The following SHANK1 variants were observed in gnomAD, a reference collection of about 807,000 sequenced individuals.
SHANK1 encodes the protein SH3 and multiple ankyrin repeat domains 1, also known as SH3 and multiple ankyrin repeat domains protein 1.
SHANK1 carries 35 observed loss-of-function variants against 165.6 expected under a neutral mutation model. The ratio of observed to expected loss-of-function variants is 0.21; its 90% confidence interval spans 0.16 to 0.28. The LOEUF (loss-of-function observed/expected upper bound fraction) is 0.28, where lower values mean the gene tolerates loss of function less well. Ranked by LOEUF, SHANK1 falls within the 10% of genes least tolerant of loss-of-function variation. The probability of loss-of-function intolerance (pLI) is 1.00; values close to 1 mark genes in which losing one functional copy is unlikely to be tolerated. For synonymous variants in SHANK1, 1,428 were observed against 1,384.8 expected, an observed-to-expected ratio of 1.03 and a Z score of -0.69; for missense variants, 2,681 against 3,036.4, an observed-to-expected ratio of 0.88 and a Z score of 2.75.
chr19:50,690,968 C>A lies in SHANK1; in HGVS notation c.1965-1689G>T, dbSNP rs1986520183. ...AGGGTTCTGGATGTGCACGTGTCCT[C>A]CCTTCCTGCTGCCACCCTCCTTGTG... On this transcript the variant is annotated intron_variant, in intron 15 of 23. Transcript: ENST00000293441. This position sits in a 1 kb window ranked among gnomAD's most constrained non-coding sequence, Gnocchi z 4.9. Among the ~76,000 whole-genome samples the A allele has an allele frequency of 6.6e-6, 1 of 152,162 alleles. No individual in the cohort carries two copies. Among genetic ancestry groups the A allele is most frequent in the African/African-American group, 2.4e-5 (1 of 41,434 alleles).
chr19:50,706,509 A>G (rs1441690604), intron 8 of SHANK1, among the ~76,000 whole-genome samples: 1 of 151,956 alleles, frequency 6.6e-6, no homozygotes, highest in Non-Finnish European at 1.5e-5. Context: ...GACCCTCACC[A>G]ACTTCATCTT....
chr19:50,673,834 A>G (rs552945477), intron 21 of SHANK1, among the ~76,000 whole-genome samples: 2 of 147,310 alleles, frequency 1.4e-5, no homozygotes, highest in Non-Finnish European at 3.0e-5. Flanking sequence ...TTTTTTTGAG[A>G]CAGGGCTGGA....
In SHANK1 at chr19:50,718,929, G is replaced by C. The variant is rs1190535744; in HGVS notation, c.-44+477C>G. Among the ~76,000 whole-genome samples, 2 of 151,940 alleles carry C rather than the reference G, an allele frequency of 1.3e-5. No individual in the cohort carries two copies. Among genetic ancestry groups the C allele is most frequent in the East Asian group, 3.9e-4 (2 of 5,144 alleles). On this transcript the variant is annotated intron_variant, in intron 1 of 23. Transcript: ENST00000293441. The surrounding 1 kb of genome is among the most constrained non-coding windows in gnomAD (Gnocchi z 5.1). ...GGGAGCTTGGACAGGGGTGGAAAGGGACTGGAGGAGCCTGGAAGGAGAAGC... is the reference window on the plus strand; with the variant it reads ...GGGAGCTTGGACAGGGGTGGAAAGGCACTGGAGGAGCCTGGAAGGAGAAGC...
intron 8 of SHANK1, among the ~76,000 whole-genome samples, chr19:50,708,436 A>G (rs1342700754): frequency 6.6e-6 from 1 of 152,114 alleles, no homozygotes; most frequent in African/African-American, 2.4e-5. Context: ...CTCATGTCGT[A>G]GCCATGATTT....
rs1383919229 is a variant in SHANK1, at chr19:50,690,709, C to T, written c.1965-1430G>A. On this transcript the variant is annotated intron_variant, in intron 15 of 23. Transcript: ENST00000293441. The surrounding 1 kb of genome is among the most constrained non-coding windows in gnomAD (Gnocchi z 4.9). Reference sequence around the variant, plus strand: ...GCAAAACAGCCGTCCTCGAATACTCCAGTATGTTTCGGCAACCCCCACACA... The same window carrying T: ...GCAAAACAGCCGTCCTCGAATACTCTAGTATGTTTCGGCAACCCCCACACA... Among the ~76,000 whole-genome samples the T allele has an allele frequency of 6.6e-6, 1 of 152,112 alleles. No individual in the cohort carries two copies. Among genetic ancestry groups the T allele is most frequent in the African/African-American group, 2.4e-5 (1 of 41,386 alleles).
In SHANK1 at chr19:50,668,546, C is replaced by A; in HGVS notation, c.3414G>T (p.Pro1138=). Residue 1138 remains proline, a synonymous_variant, in exon 23 of 24, where the codon CCG becomes CCT. Transcript: ENST00000293441. ...GCGCGGCCACGGCGGGCGGCGGCTG[C>A]GGGGAGGCCGGGGACGTGGGCGACG... ...PAPSPTSPAS[P]QPPPAVAAPS... 2 of 1,348,480 alleles carry A rather than the reference C, an allele frequency of 1.5e-6. No homozygotes were observed. Among genetic ancestry groups the A allele is most frequent in the Non-Finnish European group, 1.9e-6 (2 of 1,051,008 alleles). The allele number at this position is 1,348,480 out of a possible 1,614,324, so 83.5% of individuals were successfully genotyped here.
intron 11 of SHANK1, 100 bp downstream of exon 11, chr19:50,703,400 T>C: frequency 9.6e-7 from 1 of 1,047,098 alleles, no homozygotes; most frequent in Non-Finnish European, 1.4e-6. Context: ...GATGAGGGCC[T>C]ACAGAGGAAG....
At position 50,716,407 on chromosome 19, in the gene SHANK1, C is replaced by G. The variant is rs1431321665; in HGVS notation, c.327G>C (p.Glu109Asp). 1.9e-6 allele frequency: 3 copies of G among 1,614,226 alleles called. No homozygotes were observed. Among genetic ancestry groups the G allele is most frequent in the Admixed American group, 3.3e-5 (2 of 60,026 alleles). The change falls in exon 3 of 24, where the codon GAG becomes GAC. Residue 109 changes from glutamate (E) to aspartate (D), a missense_variant. This residue lies in a region of SHANK1 where 189 missense variants were observed against 440.9 expected (regional missense o/e 0.43). Coordinates refer to ENST00000293441, the MANE Select transcript of SHANK1 (RefSeq NM_016148.5). The surrounding 1 kb of genome is among the most constrained non-coding windows in gnomAD (Gnocchi z 8.4). Reference sequence around the variant, plus strand: ...CATAGTTGAGCACATCCTGCAGGCTCTCGCTCAGGGCACAGAGCACCTGCT... The same window carrying G: ...CATAGTTGAGCACATCCTGCAGGCTGTCGCTCAGGGCACAGAGCACCTGCT... The part of the protein sequence containing the change: ...AKQQVLCALS[E>D]SLQDVLNYGL...
chr19:50,701,992 C>T (rs148114937), intron 12 of SHANK1, among the ~76,000 whole-genome samples: 2 of 152,206 alleles, frequency 1.3e-5, no homozygotes, highest in Non-Finnish European at 2.9e-5. Context: ...CCCTGCCTGT[C>T]TCTCAGTTGA....
chr19:50,691,430 C>T (rs1986535887), intron 15 of SHANK1, among the ~76,000 whole-genome samples: 2 of 152,162 alleles, frequency 1.3e-5, no homozygotes, highest in Admixed American at 1.3e-4. Flanking sequence ...CAAACCCCTC[C>T]CTTCCTCCAT....
intron 21 of SHANK1, among the ~76,000 whole-genome samples, chr19:50,684,143 TAGA>T (rs891084116): frequency 1.3e-5 from 2 of 151,954 alleles, no homozygotes; most frequent in African/African-American, 4.8e-5. Flanking sequence ...CAGTTGAGGA[TAGA>T]AGAAGATCAC....
At chr19:50,672,596 G>A (rs1454986795) in intron 21 of SHANK1, among the ~76,000 whole-genome samples, 4 of 148,976 alleles carry the variant, frequency 2.7e-5, no homozygotes, top group Non-Finnish European at 3.0e-5. Flanking sequence ...GAAGGCGAAA[G>A]GGAATTCTGC....
In SHANK1 at chr19:50,660,566, CAA is replaced by C. The variant is rs1985162345; in HGVS notation, c.*1397_*1398del. Among the ~76,000 whole-genome samples, 1 of 151,872 alleles carries C rather than the reference CAA, an allele frequency of 6.6e-6. No individual in the cohort carries two copies. The highest frequency in any genetic ancestry group is 1.5e-5 in the Non-Finnish European group (1 of 67,994). ...AGGAAAAGAAATGACAGTTACAGCCCAAGAGTGCATGGAATGAGATGAGTGTG... is the reference window on the plus strand; with the variant it reads ...AGGAAAAGAAATGACAGTTACAGCCCGAGTGCATGGAATGAGATGAGTGTG... On this transcript the variant is annotated 3_prime_UTR_variant, in exon 24 of 24. Coordinates refer to ENST00000293441, the MANE Select transcript of SHANK1 (RefSeq NM_016148.5).
Position 50,667,685 on chromosome 19 carries a change from C to T in SHANK1, c.4275G>A (p.Gly1425=), listed in dbSNP as rs1202263686. 3 of 1,374,684 alleles carry T rather than the reference C, an allele frequency of 2.2e-6. No homozygotes were observed. The highest frequency in any genetic ancestry group is 7.2e-5 in the Admixed American group (2 of 27,616). 85.2% of individuals were successfully genotyped at this position (1,374,684 alleles called of 1,614,324 possible). ...GAAGGGACTTCTCCTGGCTGCCCAG[C>T]CCGGCCCTGTACCCCAGCTCCCGGC... ...PARRELGYRA[G]LGSQEKSLPA... is the part of the protein sequence containing the mutation. Residue 1425 remains glycine, a synonymous_variant, in exon 23 of 24, where the codon GGG becomes GGA. Coordinates refer to ENST00000293441, the MANE Select transcript of SHANK1 (RefSeq NM_016148.5). This position sits in a 1 kb window ranked among gnomAD's most constrained non-coding sequence, Gnocchi z 5.7.
At chr19:50,683,605 G>A (rs1260054723) in intron 21 of SHANK1, among the ~76,000 whole-genome samples, 4 of 151,980 alleles carry the variant, frequency 2.6e-5, no homozygotes, top group South Asian at 2.1e-4. Context: ...CCTTTTAAAC[G>A]CTGATATCAC....
At chr19:50,689,402 C>T (rs1253463458) in intron 15 of SHANK1, 123 bp from the exon 16 acceptor site, 1 of 759,744 alleles carries the variant, frequency 1.3e-6, no homozygotes, top group Non-Finnish European at 2.4e-6. Context: ...CCATTAATTG[C>T]ATCTCCTAGG....
intron 8 of SHANK1, among the ~76,000 whole-genome samples, 181 bp from the exon 9 acceptor site, chr19:50,704,695 C>T (rs934122621): frequency 2.0e-5 from 3 of 152,184 alleles, no homozygotes; most frequent in East Asian, 1.9e-4. Context: ...TAAACGTGGC[C>T]GGCCCAAACG....
chr19:50,704,875 G>A (rs1052845859), intron 8 of SHANK1, among the ~76,000 whole-genome samples: 3 of 150,624 alleles, frequency 2.0e-5, no homozygotes, highest in African/African-American at 2.4e-5. Flanking sequence ...ATAGTGAGAC[G>A]CCCCCCGTCT....
rs914719172 is a variant in SHANK1, at chr19:50,660,672, G to C, written c.*1293C>G. ...TGTGCAGCCATGTCATGGTGCGCAA[G>C]AACATTATTAAAGGGGAGAAACAAG... is the stretch of plus-strand genomic sequence containing the variant. On this transcript the variant is annotated 3_prime_UTR_variant, in exon 24 of 24. Coordinates refer to ENST00000293441, the MANE Select transcript of SHANK1 (RefSeq NM_016148.5). Among the ~76,000 whole-genome samples, 2 of 129,646 alleles carry C rather than the reference G, an allele frequency of 1.5e-5. No homozygotes were observed. Among genetic ancestry groups the C allele is most frequent in the Non-Finnish European group, 3.1e-5 (2 of 63,584 alleles). 85.1% of individuals were successfully genotyped at this position (129,646 alleles called of 152,430 possible).
Sources: gnomAD v4.1 joint callset for allele counts (sites outside exome capture counted in the v4.1 genomes callset) on GRCh38, gnomAD v4.1.1 for gene constraint, gnomAD v4.1.1 regional missense constraint, Gnocchi (gnomAD v3.1) non-coding constraint, MANE v1.5 for transcripts, NCBI Gene and HGNC (gene_info 2026-07-23, HGNC 2026-07-21) for gene names.